Variants in NUB1 observed in about 807,000 individuals in gnomAD.
The protein encoded by NUB1 is NEDD8 ultimate buster 1.
Under a neutral mutation model 77.1 loss-of-function variants are expected in NUB1, and 41 were observed. The ratio of observed to expected loss-of-function variants is 0.53; its 90% CI spans 0.41 to 0.69. The LOEUF is 0.69. Among genes scored for constraint, NUB1 ranks in the 30% least tolerant of loss-of-function variants. The pLI, the probability that NUB1 is intolerant of heterozygous loss-of-function variation, is 0.00. For missense variants in NUB1, 643 were observed against 743.8 expected, an observed-to-expected ratio of 0.86 and a Z score of 1.58; for synonymous variants, 257 against 281.0, an observed-to-expected ratio of 0.91 and a Z score of 0.85.
intron 3 of NUB1, among the ~76,000 whole-genome samples, chr7:151,350,792 C>T (rs779614971): frequency 3.9e-5 from 6 of 152,158 alleles, no homozygotes; most frequent in Admixed American, 1.3e-4. Flanking sequence ...TATGTAAAAC[C>T]TCATACATGA....
chr7:151,369,150 G>C (rs1272059702), intron 11 of NUB1: 4 of 258,878 alleles, frequency 1.5e-5, no homozygotes, highest in Non-Finnish European at 3.0e-5. Context: ...TGGGATTACA[G>C]GTGTGTGCCA....
At chr7:151,343,917 C>T (rs1749107583) in intron 1 of NUB1, among the ~76,000 whole-genome samples, 1 of 151,992 alleles carries the variant, frequency 6.6e-6, no homozygotes, top group Admixed American at 6.6e-5. Context: ...CGCGGTGGCT[C>T]AGGCCTGTAA....
In NUB1 at chr7:151,343,688, A is replaced by G. The variant is rs1053295248; in HGVS notation, c.-2-1660A>G. On this transcript the variant is annotated intron_variant, in intron 1 of 14. Coordinates refer to ENST00000568733, the MANE Select transcript of NUB1 (RefSeq NM_001243351.2). ...TGAGTAGACAGCTCCATCGCGGTAC[A>G]TACTTCTCTGGGAGAGAGAAGTTAC... is the stretch of plus-strand genomic sequence containing the variant. 2.1e-4 allele frequency among the ~76,000 whole-genome samples: 32 copies of G among 152,180 alleles called. 1 individual carries two copies. Among genetic ancestry groups the G allele is most frequent in the Non-Finnish European group, 2.9e-5 (2 of 68,038 alleles).
intron 10 of NUB1, 35 bp from the exon 11 acceptor site, chr7:151,368,700 G>A (rs746201939): frequency 1.0e-5 from 16 of 1,566,442 alleles, no homozygotes; most frequent in African/African-American, 5.5e-5. Context: ...AAGTATTGCC[G>A]TGGTTACATG....
intron 8 of NUB1, among the ~76,000 whole-genome samples, chr7:151,361,893 G>A (rs1463638817): frequency 6.6e-6 from 1 of 152,062 alleles, no homozygotes; most frequent in Admixed American, 6.5e-5. Flanking sequence ...TTTAAATTAG[G>A]TCCTAAAAGT....
intron 2 of NUB1, among the ~76,000 whole-genome samples, chr7:151,347,014 A>G (rs907843026): frequency 5.3e-5 from 8 of 152,186 alleles, no homozygotes; most frequent in Non-Finnish European, 1.0e-4. Flanking sequence ...ATTGAATCGT[A>G]GGACTTCCAG....
chr7:151,344,180 C>CAAAAAAAAAAAAA (rs561127147), intron 1 of NUB1, among the ~76,000 whole-genome samples: 46 of 45,634 alleles, frequency 1.0e-3, no homozygotes, highest in South Asian at 4.4e-3. Context: ...GACTCCCTCT[C>CAAAAAAAAAAAAA]AAAAAAAAAA....
chr7:151,362,651 T>C (rs780381465), intron 8 of NUB1, among the ~76,000 whole-genome samples: 6 of 152,206 alleles, frequency 3.9e-5, no homozygotes, highest in Non-Finnish European at 7.3e-5. Context: ...AGGCAGAGCC[T>C]TGTGCTCCCT....
chr7:151,377,119 A>C lies in NUB1; in HGVS notation c.1742A>C (p.Glu581Ala), dbSNP rs1287278578. 4 of 1,586,512 alleles carry C rather than the reference A, an allele frequency of 2.5e-6. No individual in the cohort carries two copies. The East Asian group carries it at 6.8e-5, about 27-fold the overall frequency. The change falls in exon 15 of 15, where the codon GAG (glutamate) becomes GCG (alanine). Residue 581 changes from glutamate to alanine, a missense_variant. Coordinates refer to ENST00000568733, the MANE Select transcript of NUB1 (RefSeq NM_001243351.2). ...AVNEILEDIP[E>A]HEEDYLDSTL... ...AATGAGATACTGGAAGACATTCCAG[A>C]GCATGAGGAAGACTATCTTGACTCA...
At chr7:151,374,436 A>G in intron 12 of NUB1, 193 bp downstream of exon 12, 3 of 722,234 alleles carry the variant, frequency 4.2e-6, no homozygotes, top group Non-Finnish European at 7.0e-6. Context: ...CCCCATGCTC[A>G]GTGCTTGGCC....
chr7:151,376,099 C>CGCAGTAACAGAGG lies in NUB1; in HGVS notation c.1491+161_1491+173dup. On this transcript the variant is annotated intron_variant, in intron 13 of 14. Coordinates refer to ENST00000568733, the MANE Select transcript of NUB1 (RefSeq NM_001243351.2). The stretch of plus-strand genomic sequence containing the variant: ...ACCTGCCCACCTCAGAGGCCACCCA[C>CGCAGTAACAGAGG]GCAGTAACAGAGGGCAGGGGAGGCC... The CGCAGTAACAGAGG allele has an allele frequency of 6.4e-6, 4 of 621,394 alleles. No individual in the cohort carries two copies. The South Asian group carries it at 7.0e-5, about 11-fold the overall frequency. 38.5% of individuals were successfully genotyped at this position (621,394 alleles called of 1,614,324 possible).
Position 151,352,888 on chromosome 7 carries a change from T to C in NUB1, c.415+6T>C, listed in dbSNP as rs1796884957. 2 of 1,392,456 alleles carry C rather than the reference T, an allele frequency of 1.4e-6. No homozygotes were observed. The highest frequency in any genetic ancestry group is 2.0e-5 in the Admixed American group (1 of 48,830). 86.3% of individuals were successfully genotyped at this position (1,392,456 alleles called of 1,614,324 possible). A position where few individuals can be genotyped will look rare whatever the true frequency, so the allele number is the denominator to read the frequency against. ...TAAGAAGCAACTACAACTAGGTATG[T>C]ATGGCAAAGTATGCATAATTTTTTA... On this transcript the variant is annotated splice_donor_region_variant and intron_variant, in intron 5 of 14. Transcript: ENST00000568733.
At chr7:151,371,086 T>A (rs1212828587) in intron 11 of NUB1, among the ~76,000 whole-genome samples, 1 of 152,126 alleles carries the variant, frequency 6.6e-6, no homozygotes, top group Non-Finnish European at 1.5e-5. Context: ...TTAAAAGCCC[T>A]TGGAGAAAAT....
rs1798294239 is a variant in NUB1 at position 151,376,738 on chromosome 7, C to G, written c.1596C>G (p.Ser532Arg). The change falls in exon 14 of 15, where the codon AGC (serine) becomes AGG (arginine). Residue 532 changes from serine (S) to arginine (R), a missense_variant. Physicochemically the swap from Ser to Arg is moderately radical, Grantham distance 110. Coordinates refer to ENST00000568733, the MANE Select transcript of NUB1 (RefSeq NM_001243351.2). ...AGACCCTTGCTCACAACGGAGGAAG[C>G]CTGCCTCCCGAGCTGCCGCTGTCGC... ...AAQTLAHNGG[S>R]LPPELPLSPE... 1.2e-6 allele frequency: 2 copies of G among 1,601,910 alleles called. No individual in the cohort carries two copies. The highest frequency in any genetic ancestry group is 2.3e-5 in the East Asian group (1 of 44,346).
intron 11 of NUB1, among the ~76,000 whole-genome samples, chr7:151,370,120 G>T (rs1797889574): frequency 6.6e-6 from 1 of 150,844 alleles, no homozygotes; most frequent in Non-Finnish European, 1.5e-5. Context: ...TTATTCCAGA[G>T]TCTCACTCTG....
At chr7:151,349,914 C>T (rs978196101) in intron 3 of NUB1, among the ~76,000 whole-genome samples, 3 of 152,180 alleles carry the variant, frequency 2.0e-5, no homozygotes, top group African/African-American at 7.2e-5. Flanking sequence ...GACGCGGAAA[C>T]CGGTAGTGGC....
chr7:151,346,350 C>T (rs1796505671), intron 2 of NUB1, among the ~76,000 whole-genome samples: 1 of 152,176 alleles, frequency 6.6e-6, no homozygotes, highest in Non-Finnish European at 1.5e-5. Flanking sequence ...GACCTTTGTC[C>T]CTGGTTCCTG....
rs151208071 is a variant in NUB1 at position 151,344,916 on chromosome 7, C to G, written c.-2-432C>G. Among the ~76,000 whole-genome samples the G allele has an allele frequency of 9.4e-3, 1,423 of 152,112 alleles. 25 individuals carry two copies. The highest frequency in any genetic ancestry group is 0.032 in the African/African-American group (1,342 of 41,546). ...TAGGGAGGCTGATGCAGGGGAATTGCTTGAACCCAGGGGGCGGAGCTTGCA... is the reference window on the plus strand; with the variant it reads ...TAGGGAGGCTGATGCAGGGGAATTGGTTGAACCCAGGGGGCGGAGCTTGCA... On this transcript the variant is annotated intron_variant, in intron 1 of 14. Transcript: ENST00000568733.
chr7:151,344,146 A>C (rs1406559288), intron 1 of NUB1, among the ~76,000 whole-genome samples: 1 of 116,580 alleles, frequency 8.6e-6, no homozygotes, highest in Non-Finnish European at 1.7e-5. Context: ...GTACCACTGC[A>C]CTCTAGCCTG....
Sources: gnomAD v4.1 joint callset for allele counts (sites outside exome capture counted in the v4.1 genomes callset) on GRCh38, gnomAD v4.1.1 for gene constraint, MANE v1.5 for transcripts, NCBI Gene and HGNC (gene_info 2026-07-23, HGNC 2026-07-21) for gene names.